Variants in ACTR10 observed in about 807,000 individuals in gnomAD.
ACTR10 encodes the protein actin related protein 10.
A neutral mutation model predicts 56.2 loss-of-function variants in ACTR10; 43 were observed. The observed-to-expected ratio is 0.77, with a 90% CI of 0.60 to 0.99. ACTR10 has a LOEUF of 0.99. ACTR10 is among the 50% of genes least tolerant of loss of function. The pLI, the probability that ACTR10 is intolerant of heterozygous loss-of-function variation, is 0.00. For missense variants in ACTR10, 466 were observed against 507.8 expected (o/e 0.92, Z 0.79); for synonymous variants, 170 against 176.3 (o/e 0.96, Z 0.28).
intron 12 of ACTR10, 115 bp from the exon 13 acceptor site, chr14:58,234,255 C>A: frequency 1.3e-6 from 1 of 765,344 alleles, no homozygotes; most frequent in Non-Finnish European, 2.0e-6. Context: ...TGTGGCTATG[C>A]ATTGCTGAAT....
intron 2 of ACTR10, among the ~76,000 whole-genome samples, chr14:58,204,124 G>A (rs1300316848): frequency 6.6e-6 from 1 of 151,786 alleles, no homozygotes; most frequent in East Asian, 1.9e-4. Context: ...TTACACGCCT[G>A]TAATCGCAGC....
intron 2 of ACTR10, among the ~76,000 whole-genome samples, chr14:58,205,731 T>C (rs778350145): frequency 3.9e-5 from 6 of 152,032 alleles, no homozygotes; most frequent in Non-Finnish European, 7.4e-5. Flanking sequence ...TGTTCAAAAA[T>C]GTGATGGAAG....
intron 7 of ACTR10, 56 bp downstream of exon 7, chr14:58,215,340 C>G: frequency 8.7e-7 from 1 of 1,155,786 alleles, no homozygotes. Context: ...TGTTCTTCAA[C>G]TTGTATTTTA....
In ACTR10 at chr14:58,234,736, T is replaced by A; in HGVS notation, c.*185T>A. 1 of 455,818 alleles carries A rather than the reference T, an allele frequency of 2.2e-6. No individual in the cohort carries two copies. Among genetic ancestry groups the A allele is most frequent in the Non-Finnish European group, 3.7e-6 (1 of 270,312 alleles). The allele number at this position is 455,818 out of a possible 1,614,324, so 28.2% of individuals were successfully genotyped here. A position where few individuals can be genotyped will look rare whatever the true frequency, so the allele number is the denominator to read the frequency against. On this transcript the variant is annotated 3_prime_UTR_variant, in exon 13 of 13. Transcript: ENST00000254286. ...TTTCTCTTGTGTAGTGGTAAAATGG[T>A]AGCTGGTGCTTATTGAGATTTGCTG...
intron 2 of ACTR10, among the ~76,000 whole-genome samples, chr14:58,204,773 C>T (rs542936123): frequency 2.6e-5 from 4 of 152,186 alleles, no homozygotes; most frequent in African/African-American, 9.6e-5. Flanking sequence ...AGCATATCTA[C>T]CTGTGTGATA....
chr14:58,207,515 G>A (rs530695251), intron 2 of ACTR10, among the ~76,000 whole-genome samples: 1 of 151,932 alleles, frequency 6.6e-6, no homozygotes, highest in South Asian at 2.1e-4. Context: ...AGTAGAGACA[G>A]CGTTTCACCA....
At chr14:58,206,074 A>G (rs1218534933) in intron 2 of ACTR10, among the ~76,000 whole-genome samples, 1 of 151,772 alleles carries the variant, frequency 6.6e-6, no homozygotes, top group African/African-American at 2.4e-5. Flanking sequence ...TTTTCATGTC[A>G]TTTTGCTTTA....
At chr14:58,213,297 T>C (rs1345915910) in intron 5 of ACTR10, 1 of 188,434 alleles carries the variant, frequency 5.3e-6, no homozygotes, top group East Asian at 1.3e-4. Context: ...CTAAATTTGG[T>C]GTGTAGCTTA....
At chr14:58,226,164 G>A (rs1889394028) in intron 10 of ACTR10, among the ~76,000 whole-genome samples, 1 of 152,138 alleles carries the variant, frequency 6.6e-6, no homozygotes, top group South Asian at 2.1e-4. Context: ...CCTTTAGGAA[G>A]CTGAGGTGGG....
In ACTR10 at chr14:58,219,694, G is replaced by A; in HGVS notation, c.599G>A (p.Gly200Asp). ...AKEQSLPSVMGSVPEGVLEDI... is the reference protein window; with the variant it reads ...AKEQSLPSVMDSVPEGVLEDI... ...ATTCTAAATGAAATATTTGTTTTAG[G>A]TTCAGTTCCGGAAGGTGTCTTAGAG... The change falls in exon 8 of 13, where the codon GGT (glycine) becomes GAT (aspartate). Residue 200 changes from glycine (G) to aspartate (D), a missense_variant and splice_region_variant. Transcript: ENST00000254286. The A allele has an allele frequency of 6.7e-7, 1 of 1,502,820 alleles. No homozygotes were observed. Among genetic ancestry groups the A allele is most frequent in the Non-Finnish European group, 8.9e-7 (1 of 1,122,522 alleles). The allele number at this position is 1,502,820 out of a possible 1,614,324, so 93.1% of individuals were successfully genotyped here. A position where few individuals can be genotyped will look rare whatever the true frequency, so the allele number is the denominator to read the frequency against.
intron 2 of ACTR10, among the ~76,000 whole-genome samples, chr14:58,204,533 A>C (rs573252001): frequency 6.6e-6 from 1 of 152,342 alleles, no homozygotes; most frequent in East Asian, 1.9e-4. Flanking sequence ...CATGGGCGAC[A>C]GAGTGAGACC....
At position 58,202,891 on chromosome 14, in the gene ACTR10, A is replaced by C; in HGVS notation, c.114A>C (p.Ile38=). The C allele has an allele frequency of 6.2e-7, 1 of 1,609,016 alleles. No homozygotes were observed. The part of the protein sequence containing the change: ...GFAGETGPRC[I]IPSVIKRAGM... ...CTGGAGAAACTGGTCCAAGATGTAT[A>C]ATTCCTAGTGTGATAAAAAGAGCTG... Residue 38 remains isoleucine (I), a synonymous_variant, in exon 2 of 13, where the codon ATA becomes ATC. Coordinates refer to ENST00000254286, the MANE Select transcript of ACTR10 (RefSeq NM_018477.3).
At position 58,223,470 on chromosome 14, in the gene ACTR10, AG is replaced by A. The variant is rs1426317428; in HGVS notation, c.635-151del. 5 of 691,180 alleles carry A rather than the reference AG, an allele frequency of 7.2e-6. No individual in the cohort carries two copies. The Admixed American group carries it at 9.3e-5, about 13-fold the overall frequency. 42.8% of individuals were successfully genotyped at this position (691,180 alleles called of 1,614,324 possible). A position where few individuals can be genotyped will look rare whatever the true frequency, so the allele number is the denominator to read the frequency against. On this transcript the variant is annotated intron_variant, in intron 8 of 12. Transcript: ENST00000254286. ...GTTTTTTAATGAACAAATTATTGTT[AG>A]CTAACTAAAGATGGGAATAGAGTTT...
At chr14:58,215,947 C>CT (rs1889123399) in intron 7 of ACTR10, among the ~76,000 whole-genome samples, 1 of 150,688 alleles carries the variant, frequency 6.6e-6, no homozygotes, top group Non-Finnish European at 1.5e-5. Flanking sequence ...TCAGAAATCT[C>CT]TTTCAGATCT....
intron 12 of ACTR10, among the ~76,000 whole-genome samples, chr14:58,233,113 T>C (rs960141971): frequency 2.6e-5 from 4 of 151,922 alleles, no homozygotes; most frequent in African/African-American, 9.7e-5. Context: ...CCTCAGGTGA[T>C]CCGCCCGCCT....
chr14:58,205,751 GTC>G (rs1888843390), intron 2 of ACTR10, among the ~76,000 whole-genome samples: 2 of 152,126 alleles, frequency 1.3e-5, no homozygotes, highest in African/African-American at 4.8e-5. Flanking sequence ...GCCGGGTGTG[GTC>G]TCTCATGCCT....
At chr14:58,217,567 G>A (rs564683077) in intron 7 of ACTR10, among the ~76,000 whole-genome samples, 2 of 151,892 alleles carry the variant, frequency 1.3e-5, no homozygotes, top group African/African-American at 4.8e-5. Flanking sequence ...TCGGGAGGCT[G>A]AGGCAGGAGA....
chr14:58,200,989 G>T (rs1379464055), intron 1 of ACTR10, among the ~76,000 whole-genome samples: 1 of 152,188 alleles, frequency 6.6e-6, no homozygotes, highest in Non-Finnish European at 1.5e-5. Flanking sequence ...CAGGGAATTG[G>T]CAGACAATCA....
intron 10 of ACTR10, among the ~76,000 whole-genome samples, chr14:58,224,474 T>G (rs1889352951): frequency 6.6e-6 from 1 of 152,100 alleles, no homozygotes; most frequent in African/African-American, 2.4e-5. Flanking sequence ...CTCGAACTCC[T>G]GACCTCAGGT....
Sources: gnomAD v4.1 joint callset for allele counts (sites outside exome capture counted in the v4.1 genomes callset) on GRCh38, gnomAD v4.1.1 for gene constraint, MANE v1.5 for transcripts, NCBI Gene and HGNC (gene_info 2026-07-23, HGNC 2026-07-21) for gene names.